The following NDUFAF5 variants were observed in gnomAD, a reference collection of about 807,000 sequenced individuals.
The protein encoded by NDUFAF5 is arginine-hydroxylase NDUFAF5, mitochondrial.
In NDUFAF5, 34 loss-of-function variants were observed where a neutral mutation model predicts 48.9. The ratio of observed to expected loss-of-function variants is 0.70; its 90% CI spans 0.53 to 0.93. The LOEUF (loss-of-function observed/expected upper bound fraction) is 0.93. Ranked by LOEUF, NDUFAF5 falls within the 40% of genes least tolerant of loss-of-function variation. The probability of loss-of-function intolerance (pLI) is 0.00; values close to 1 mark genes in which losing one functional copy is unlikely to be tolerated. For synonymous variants in NDUFAF5, 153 were observed against 150.6 expected (o/e 1.02, Z -0.12); for missense variants, 428 against 427.5 (o/e 1.00, Z -0.01).
At chr20:13,799,634 G>A (rs1042326703) in intron 6 of NDUFAF5, among the ~76,000 whole-genome samples, 4 of 151,846 alleles carry the variant, frequency 2.6e-5, no homozygotes, top group Admixed American at 1.3e-4. Context: ...GGGAGGCAGA[G>A]GTTGCAGTGA....
At chr20:13,793,119 A>T (rs781198104) in intron 3 of NDUFAF5, 61 bp from the exon 4 acceptor site, 16 of 1,571,626 alleles carry the variant, frequency 1.0e-5, no homozygotes, top group Non-Finnish European at 1.4e-5. Flanking sequence ...TTACCTTTAG[A>T]AATGTCAGCA....
chr20:13,816,667 T>G, intron 9 of NDUFAF5, 121 bp downstream of exon 9: 1 of 855,482 alleles, frequency 1.2e-6, no homozygotes, highest in Non-Finnish European at 2.0e-6. Flanking sequence ...CTTCTTGTCC[T>G]TCCTCTCAAA....
chr20:13,785,305 C>T lies in NDUFAF5; in HGVS notation c.222+15C>T. ...TGAAGGAGGAGGTGAGCCCGCGGGG[C>T]GGCGGGGCGGCGGGGCGGGCGACGC... On this transcript the variant is annotated intron_variant, in intron 1 of 10. Coordinates refer to ENST00000378106, the MANE Select transcript of NDUFAF5 (RefSeq NM_024120.5). The T allele has an allele frequency of 6.6e-7, 1 of 1,521,972 alleles. No homozygotes were observed. Among genetic ancestry groups the T allele is most frequent in the Non-Finnish European group, 8.9e-7 (1 of 1,121,378 alleles). 94.3% of individuals were successfully genotyped at this position (1,521,972 alleles called of 1,614,324 possible). A position where few individuals can be genotyped will look rare whatever the true frequency, so the allele number is the denominator to read the frequency against.
chr20:13,806,659 A>G (rs540731105), intron 7 of NDUFAF5, among the ~76,000 whole-genome samples: 25 of 152,338 alleles, frequency 1.6e-4, no homozygotes, highest in South Asian at 4.1e-4. Flanking sequence ...TTCAAAGGAT[A>G]TTGCTTAATG....
intron 7 of NDUFAF5, among the ~76,000 whole-genome samples, chr20:13,804,694 A>G (rs977375906): frequency 6.6e-6 from 1 of 152,202 alleles, no homozygotes; most frequent in Non-Finnish European, 1.5e-5. Flanking sequence ...ATATCCTTCT[A>G]TACAAATTCA....
At chr20:13,802,458 C>G (rs1164483139) in intron 7 of NDUFAF5, among the ~76,000 whole-genome samples, 1 of 152,106 alleles carries the variant, frequency 6.6e-6, no homozygotes, top group African/African-American at 2.4e-5. Context: ...CATCTGAGAT[C>G]AGGAGTTTGA....
intron 8 of NDUFAF5, among the ~76,000 whole-genome samples, chr20:13,812,268 A>G (rs1985969272): frequency 6.6e-6 from 1 of 152,178 alleles, no homozygotes; most frequent in South Asian, 2.1e-4. Flanking sequence ...CATTGTCATC[A>G]GTTTTCATTC....
chr20:13,802,671 CAAAA>C (rs11472201), intron 7 of NDUFAF5, among the ~76,000 whole-genome samples: 1 of 102,876 alleles, frequency 9.7e-6, no homozygotes, highest in African/African-American at 3.8e-5. Context: ...ATTCCCGTCT[CAAAA>C]AAAAAAAAAA....
In NDUFAF5 at chr20:13,816,573, C is replaced by T. The variant is rs780450391; in HGVS notation, c.862+27C>T. 2.5e-6 allele frequency: 4 copies of T among 1,577,358 alleles called. No homozygotes were observed. In the African/African-American group the frequency reaches 4.0e-5, roughly 16 times the overall value. On this transcript the variant is annotated intron_variant, in intron 9 of 10. Coordinates refer to ENST00000378106, the MANE Select transcript of NDUFAF5 (RefSeq NM_024120.5). ...TAAGGGGCGACCACTCTTTCACCCG[C>T]CTCACCAAGGCACTTGTGCTGTATC...
At position 13,817,315 on chromosome 20, in the gene NDUFAF5, C is replaced by T. The variant is rs749963998; in HGVS notation, c.*105C>T. The T allele has an allele frequency of 1.6e-5, 14 of 890,922 alleles. No individual in the cohort carries two copies. In the African/African-American group the frequency reaches 2.0e-4, roughly 13 times the overall value. 55.2% of individuals were successfully genotyped at this position (890,922 alleles called of 1,614,324 possible). ...AGCAAGAAGCACTCTAAGCTATTTA[C>T]TAATAGGCTTTTCATATAATTAGGA... is the stretch of plus-strand genomic sequence containing the variant. On this transcript the variant is annotated 3_prime_UTR_variant, in exon 11 of 11. Coordinates refer to ENST00000378106, the MANE Select transcript of NDUFAF5 (RefSeq NM_024120.5).
In NDUFAF5 at chr20:13,820,662, G is replaced by A. The variant is rs1014478399; in HGVS notation, c.*3452G>A. 6.6e-6 allele frequency: 1 copy of A among 151,852 alleles called. No homozygotes were observed. The highest frequency in any genetic ancestry group is 1.5e-5 in the Non-Finnish European group (1 of 68,028). The allele number at this position is 151,852 out of a possible 1,614,324, so 9.4% of individuals were successfully genotyped here. A position where few individuals can be genotyped will look rare whatever the true frequency, so the allele number is the denominator to read the frequency against. On this transcript the variant is annotated 3_prime_UTR_variant, in exon 11 of 11. Coordinates refer to ENST00000378106, the MANE Select transcript of NDUFAF5 (RefSeq NM_024120.5). ...CAAGCTGTCGCACCACTGCACTCTA[G>A]CCTGGGCAACAGCAAGACCCTCGTC...
intron 7 of NDUFAF5, among the ~76,000 whole-genome samples, chr20:13,805,633 G>C (rs1347609011): frequency 6.6e-6 from 1 of 152,000 alleles, no homozygotes; most frequent in Non-Finnish European, 1.5e-5. Flanking sequence ...TTGTTTCTGA[G>C]GTGCTGTATT....
chr20:13,816,236 T>C, intron 8 of NDUFAF5: 1 of 581,758 alleles, frequency 1.7e-6, no homozygotes, highest in Non-Finnish European at 3.1e-6. Flanking sequence ...AGCTGCCTCC[T>C]GAAATTTCAC....
rs901005906 is a variant in NDUFAF5 at position 13,820,907 on chromosome 20, T to G, written c.*3697T>G. 1 of 152,182 alleles carries G rather than the reference T, an allele frequency of 6.6e-6. No individual in the cohort carries two copies. Among genetic ancestry groups the G allele is most frequent in the Non-Finnish European group, 1.5e-5 (1 of 68,030 alleles). The allele number at this position is 152,182 out of a possible 1,614,324, so 9.4% of individuals were successfully genotyped here. ...CTTGCTTAAGAAATATTTTGAGCTT[T>G]TTTGGGGAGGGGTTGTGGTTAATGA... On this transcript the variant is annotated 3_prime_UTR_variant, in exon 11 of 11. Transcript: ENST00000378106.
chr20:13,793,168 A>G lies in NDUFAF5; in HGVS notation c.328-12A>G, dbSNP rs773969831. On this transcript the variant is annotated splice_polypyrimidine_tract_variant and intron_variant, in intron 3 of 10. Coordinates refer to ENST00000378106, the MANE Select transcript of NDUFAF5 (RefSeq NM_024120.5). Reference sequence around the variant, plus strand: ...GGATTTGTTTGTTTCAGCTTCAGTTATTCCATTGCAGGAAACTATTGGAAA... The same window carrying G: ...GGATTTGTTTGTTTCAGCTTCAGTTGTTCCATTGCAGGAAACTATTGGAAA... 3.1e-6 allele frequency: 5 copies of G among 1,613,922 alleles called. No individual in the cohort carries two copies. The highest frequency in any genetic ancestry group is 1.1e-5 in the South Asian group (1 of 91,076).
rs148511938 is a variant in NDUFAF5 at position 13,816,446 on chromosome 20, C to A, written c.779-17C>A. 2,091 of 1,590,644 alleles carry A rather than the reference C, an allele frequency of 1.3e-3. 29 individuals are homozygous for A. The African/African-American group carries it at 0.024, about 18-fold the overall frequency. On this transcript the variant is annotated splice_polypyrimidine_tract_variant and intron_variant, in intron 8 of 10. Coordinates refer to ENST00000378106, the MANE Select transcript of NDUFAF5 (RefSeq NM_024120.5). ...TGTTTGCTGTATTATCTCAAACTACCTGTAGTGTATTTGTAGGTATGGGTG... is the reference window on the plus strand; with the variant it reads ...TGTTTGCTGTATTATCTCAAACTACATGTAGTGTATTTGTAGGTATGGGTG...
chr20:13,811,215 G>A (rs1481158438), intron 8 of NDUFAF5, among the ~76,000 whole-genome samples: 1 of 152,178 alleles, frequency 6.6e-6, no homozygotes, highest in Admixed American at 6.5e-5. Context: ...GAGGAGCTGA[G>A]CACAGGTGGT....
chr20:13,793,072 C>T, intron 3 of NDUFAF5, 108 bp from the exon 4 acceptor site: 1 of 1,236,322 alleles, frequency 8.1e-7, no homozygotes, highest in Non-Finnish European at 1.2e-6. Context: ...AGAAATATAC[C>T]TTTACAAAGC....
At chr20:13,809,010 A>C (rs1397420236) in intron 8 of NDUFAF5, 108 bp downstream of exon 8, 1 of 759,706 alleles carries the variant, frequency 1.3e-6, no homozygotes, top group East Asian at 2.6e-5. Context: ...GCTCTTTGGC[A>C]GGCACTGGGC....
Sources: gnomAD v4.1 joint callset for allele counts (sites outside exome capture counted in the v4.1 genomes callset) on GRCh38, gnomAD v4.1.1 for gene constraint, MANE v1.5 for transcripts, NCBI Gene and HGNC (gene_info 2026-07-23, HGNC 2026-07-21) for gene names.